The following DNAJC1 variants were observed in gnomAD, a reference collection of about 807,000 sequenced individuals.
The protein encoded by DNAJC1 is DnaJ heat shock protein family (Hsp40) member C1.
A neutral mutation model predicts 76.6 loss-of-function variants in DNAJC1; 58 were observed. That is an observed-to-expected ratio of 0.76 (90% CI 0.61 to 0.94). The LOEUF is 0.94. Among genes scored for constraint, DNAJC1 ranks in the 40% least tolerant of loss-of-function variants. The pLI is 0.00. For synonymous variants in DNAJC1, 258 were observed against 267.9 expected (o/e 0.96, Z 0.36); for missense variants, 689 against 677.3 (o/e 1.02, Z -0.19).
chr10:21,772,584 T>C (rs1330807260), intron 9 of DNAJC1, among the ~76,000 whole-genome samples: 2 of 152,156 alleles, frequency 1.3e-5, no homozygotes, highest in African/African-American at 4.8e-5. Flanking sequence ...GGCAGTAATG[T>C]CCTTTTTTTT....
intron 8 of DNAJC1, among the ~76,000 whole-genome samples, chr10:21,808,812 C>T (rs773029568): frequency 6.6e-6 from 1 of 152,108 alleles, no homozygotes; most frequent in African/African-American, 2.4e-5. Context: ...ACCGAAACAC[C>T]GGGCCAAATA....
chr10:21,852,052 CAAAAA>C (rs1002951028), intron 8 of DNAJC1, among the ~76,000 whole-genome samples: 3 of 143,380 alleles, frequency 2.1e-5, no homozygotes, highest in Admixed American at 7.2e-5. Context: ...GACTCTGTCT[CAAAAA>C]AAATAAAAAA....
At chr10:21,992,221 G>A (rs1308590216) in intron 1 of DNAJC1, among the ~76,000 whole-genome samples, 1 of 152,220 alleles carries the variant, frequency 6.6e-6, no homozygotes, top group Non-Finnish European at 1.5e-5. Context: ...TGAGACAGGA[G>A]AATTGCTTGA....
chr10:21,911,772 T>C (rs1291301219), intron 6 of DNAJC1, among the ~76,000 whole-genome samples: 1 of 152,236 alleles, frequency 6.6e-6, no homozygotes, highest in Non-Finnish European at 1.5e-5. Context: ...ATGCATTCAG[T>C]AGAAACCATA....
chr10:21,897,877 A>G (rs940043481), intron 7 of DNAJC1, among the ~76,000 whole-genome samples: 1 of 152,238 alleles, frequency 6.6e-6, no homozygotes, highest in Non-Finnish European at 1.5e-5. Flanking sequence ...AGCTAGTACT[A>G]TAAGGCAGGA....
chr10:21,839,676 G>A (rs1835537434), intron 8 of DNAJC1, among the ~76,000 whole-genome samples: 1 of 152,248 alleles, frequency 6.6e-6, no homozygotes, highest in African/African-American at 2.4e-5. Context: ...AGAGGTACAA[G>A]GAGGAGCTGG....
chr10:21,954,658 GTTAT>G (rs1472189692), intron 1 of DNAJC1, among the ~76,000 whole-genome samples: 4 of 152,122 alleles, frequency 2.6e-5, no homozygotes, highest in Non-Finnish European at 5.9e-5. Context: ...TCCTTTTGAT[GTTAT>G]ATAATTGGTT....
chr10:21,861,416 A>G (rs1835915456), intron 8 of DNAJC1, among the ~76,000 whole-genome samples: 1 of 152,196 alleles, frequency 6.6e-6, no homozygotes, highest in South Asian at 2.1e-4. Context: ...AATATTATAT[A>G]TAAATGAATT....
At position 21,896,603 on chromosome 10, in the gene DNAJC1, C is replaced by T. The variant is rs1022912336; in HGVS notation, c.820+7919G>A. 2.0e-5 allele frequency among the ~76,000 whole-genome samples: 3 copies of T among 152,200 alleles called. No homozygotes were observed. In the East Asian group the frequency reaches 5.8e-4, roughly 29 times the overall value. ...TGTACACCTTGAGTCTCACCCATAT[C>T]TGATTTAGATTATATTTAGATAAGA... On this transcript the variant is annotated intron_variant, in intron 7 of 11. Coordinates refer to ENST00000376980, the MANE Select transcript of DNAJC1 (RefSeq NM_022365.4).
intron 8 of DNAJC1, among the ~76,000 whole-genome samples, chr10:21,814,165 T>A (rs1407800765): frequency 1.3e-5 from 2 of 152,208 alleles, no homozygotes; most frequent in African/African-American, 4.8e-5. Flanking sequence ...AGTTATATTG[T>A]CGGTTGGGCA....
intron 8 of DNAJC1, among the ~76,000 whole-genome samples, chr10:21,854,989 A>G (rs1256478335): frequency 6.6e-6 from 1 of 152,204 alleles, no homozygotes; most frequent in Non-Finnish European, 1.5e-5. Context: ...AGTATTAGTA[A>G]GTGAATGAGA....
rs751319934 is a variant in DNAJC1, at chr10:21,759,232, A to G, written c.1534T>C (p.Tyr512His). ...CAGCGGTCAGAGGATCCCCTTGGGT[A>G]CTGCTGCAACGCCAGTTCCAGAAGT... The part of the protein sequence containing the change: ...QKLLELALQQ[Y>H]PRGSSDRWDK... The change falls in exon 11 of 12, where the codon TAC becomes CAC. Residue 512 changes from tyrosine (Y) to histidine (H), a missense_variant. Tyr to His is a moderately conservative substitution (Grantham distance 83). Transcript: ENST00000376980. 1 of 1,614,078 alleles carries G rather than the reference A, an allele frequency of 6.2e-7. No individual in the cohort carries two copies. The highest frequency in any genetic ancestry group is 1.3e-5 in the African/African-American group (1 of 74,928).
intron 1 of DNAJC1, among the ~76,000 whole-genome samples, chr10:21,983,206 C>T (rs574710096): frequency 2.0e-5 from 3 of 152,030 alleles, no homozygotes; most frequent in South Asian, 4.1e-4. Flanking sequence ...AAGCTGAAAA[C>T]CTAAATGTCC....
At chr10:21,910,306 C>T (rs1355718345) in intron 6 of DNAJC1, among the ~76,000 whole-genome samples, 2 of 151,830 alleles carry the variant, frequency 1.3e-5, no homozygotes, top group Non-Finnish European at 2.9e-5. Flanking sequence ...AGTAAGACGG[C>T]GTTTCACAAT....
chr10:21,757,622 G>C (rs1834191453), intron 11 of DNAJC1, among the ~76,000 whole-genome samples: 1 of 152,246 alleles, frequency 6.6e-6, no homozygotes, highest in African/African-American at 2.4e-5. Flanking sequence ...GGTCTTTAAA[G>C]ATATCAGTCT....
At chr10:21,858,763 A>T (rs989122570) in intron 8 of DNAJC1, among the ~76,000 whole-genome samples, 5 of 152,144 alleles carry the variant, frequency 3.3e-5, no homozygotes, top group Admixed American at 2.6e-4. Context: ...GAACATTACC[A>T]CTAGGTCACC....
chr10:21,784,323 G>A (rs1007328331), intron 9 of DNAJC1, among the ~76,000 whole-genome samples: 1 of 152,228 alleles, frequency 6.6e-6, no homozygotes, highest in South Asian at 2.1e-4. Context: ...CTGGCCATCA[G>A]AGAAATGCAA....
chr10:21,836,172 C>T (rs984726724), intron 8 of DNAJC1, among the ~76,000 whole-genome samples: 2 of 152,168 alleles, frequency 1.3e-5, no homozygotes, highest in African/African-American at 2.4e-5. Context: ...GGCCAATATT[C>T]GACATTCTTA....
chr10:21,825,979 G>C (rs1198883205), intron 8 of DNAJC1, among the ~76,000 whole-genome samples: 4 of 152,264 alleles, frequency 2.6e-5, no homozygotes, highest in Admixed American at 2.6e-4. Flanking sequence ...GCTCATGCCT[G>C]TAATCCCAAC....
Sources: allele counts gnomAD v4.1 joint callset (sites outside exome capture counted in the v4.1 genomes callset), GRCh38; gene constraint gnomAD v4.1.1; transcripts MANE v1.5; gene names NCBI Gene and HGNC (gene_info 2026-07-23, HGNC 2026-07-21).